Variants in CAST observed in about 807,000 individuals in gnomAD.
The protein encoded by CAST is calpastatin.
In CAST, 76 loss-of-function variants were observed where a neutral mutation model predicts 119.6. That is an observed-to-expected ratio of 0.64 (90% confidence interval 0.53 to 0.77). The LOEUF is 0.77. CAST is among the 30% of genes least tolerant of loss of function. CAST has a pLI of 0.00. For missense variants in CAST, 953 were observed against 946.5 expected (o/e 1.01, Z -0.09); for synonymous variants, 319 against 331.6 (o/e 0.96, Z 0.41).
At chr5:96,271,924 T>C in the CAST span, among the ~76,000 whole-genome samples, 1 of 151,934 alleles carries the variant, frequency 6.6e-6, no homozygotes. Context: ...AAAAAACAAA[T>C]ATTCTGATGT....
chr5:96,394,941 G>T, the CAST span: 2 of 1,613,824 alleles, frequency 1.2e-6, no homozygotes, highest in Non-Finnish European at 1.7e-6. Flanking sequence ...ACACGAGGCT[G>T]CTTCATATGC....
At chr5:96,517,367 G>A in the CAST span, among the ~76,000 whole-genome samples, 1 of 152,096 alleles carries the variant, frequency 6.6e-6, no homozygotes, top group Non-Finnish European at 1.5e-5. Context: ...TGTTATGCAT[G>A]GCTTAGGCTG....
chr5:96,066,022 A>T, the CAST span, among the ~76,000 whole-genome samples: 57 of 152,228 alleles, frequency 3.7e-4, no homozygotes, highest in South Asian at 1.2e-3. Context: ...AGACTAGAAC[A>T]CTCCCATTCC....
the CAST span, among the ~76,000 whole-genome samples, chr5:96,329,046 G>C: frequency 6.6e-6 from 1 of 151,894 alleles, no homozygotes; most frequent in Non-Finnish European, 1.5e-5. Context: ...TTCTTTCTTG[G>C]CATAAAGTTT....
the CAST span, among the ~76,000 whole-genome samples, chr5:96,140,624 A>G: frequency 4.2e-3 from 646 of 152,290 alleles, 3 homozygotes; most frequent in African/African-American, 7.0e-3. Context: ...CCAATCTTCA[A>G]ATTTCTTACT....
At chr5:96,379,040 T>C in the CAST span, among the ~76,000 whole-genome samples, 1 of 152,198 alleles carries the variant, frequency 6.6e-6, no homozygotes, top group Non-Finnish European at 1.5e-5. Flanking sequence ...TCGTGCATTC[T>C]GCAATTAGTT....
At chr5:96,629,357 C>T (rs1747780877) in intron 1 of CAST, among the ~76,000 whole-genome samples, 1 of 152,018 alleles carries the variant, frequency 6.6e-6, no homozygotes, top group Non-Finnish European at 1.5e-5. Flanking sequence ...AATTCCCCAG[C>T]TGGTGTTCTT....
At chr5:96,422,860 T>A in the CAST span, among the ~76,000 whole-genome samples, 1 of 152,172 alleles carries the variant, frequency 6.6e-6, no homozygotes, top group Non-Finnish European at 1.5e-5. Context: ...TTGGCATAGG[T>A]GCATTGTGTG....
the CAST span, among the ~76,000 whole-genome samples, chr5:96,096,949 A>G: frequency 1.3e-5 from 2 of 152,252 alleles, no homozygotes; most frequent in Non-Finnish European, 2.9e-5. Flanking sequence ...TTATTCATGC[A>G]TATGAGTCAT....
chr5:96,706,935 A>AT (rs1170157267), intron 3 of CAST, among the ~76,000 whole-genome samples: 1 of 152,108 alleles, frequency 6.6e-6, no homozygotes, highest in African/African-American at 2.4e-5. Flanking sequence ...GCCACAGCTG[A>AT]TTGGGTGTGT....
At chr5:96,371,007 G>GCT in the CAST span, among the ~76,000 whole-genome samples, 1 of 152,108 alleles carries the variant, frequency 6.6e-6, no homozygotes, top group African/African-American at 2.4e-5. Context: ...TAAAGGAAAT[G>GCT]AAGAACATCC....
the CAST span, among the ~76,000 whole-genome samples, chr5:96,136,062 G>T: frequency 6.6e-6 from 1 of 152,118 alleles, no homozygotes; most frequent in Non-Finnish European, 1.5e-5. Flanking sequence ...AGAATGGAGA[G>T]TTATGCTCAA....
chr5:96,167,497 G>A, the CAST span, among the ~76,000 whole-genome samples: 1 of 152,208 alleles, frequency 6.6e-6, no homozygotes, highest in African/African-American at 2.4e-5. Context: ...TCCAAGGACA[G>A]GCCCGAATTC....
the CAST span, among the ~76,000 whole-genome samples, chr5:96,495,713 T>C: frequency 6.6e-6 from 1 of 152,208 alleles, no homozygotes; most frequent in African/African-American, 2.4e-5. Flanking sequence ...TTGTAAATAG[T>C]GCTGTAATAA....
chr5:96,651,911 AG>A (rs1748099033), intron 1 of CAST, among the ~76,000 whole-genome samples: 1 of 152,206 alleles, frequency 6.6e-6, no homozygotes, highest in Non-Finnish European at 1.5e-5. Flanking sequence ...GAAGGAATAA[AG>A]ACACACATAT....
the CAST span, among the ~76,000 whole-genome samples, chr5:96,457,223 A>G: frequency 6.6e-6 from 1 of 152,068 alleles, no homozygotes; most frequent in East Asian, 1.9e-4. Flanking sequence ...AAAGCTCCCC[A>G]TTCTTCTTTG....
chr5:96,410,773 C>T, the CAST span: 5 of 1,610,952 alleles, frequency 3.1e-6, no homozygotes, highest in Admixed American at 1.7e-5. Context: ...AAGCAACATA[C>T]GATTCTCTGG....
At chr5:96,428,300 C>G in the CAST span, among the ~76,000 whole-genome samples, 1 of 152,256 alleles carries the variant, frequency 6.6e-6, no homozygotes, top group African/African-American at 2.4e-5. Flanking sequence ...TTTTAATCCT[C>G]TCACCAAGAG....
chr5:96,053,183 C>T, the CAST span, among the ~76,000 whole-genome samples: 24 of 152,090 alleles, frequency 1.6e-4, no homozygotes, highest in Non-Finnish European at 2.9e-4. Context: ...TGGAAACTCC[C>T]GAGGAGCCTG....
Sources: gnomAD v4.1 joint callset for allele counts (sites outside exome capture counted in the v4.1 genomes callset) on GRCh38, gnomAD v4.1.1 for gene constraint, MANE v1.5 for transcripts, NCBI Gene and HGNC (gene_info 2026-07-23, HGNC 2026-07-21) for gene names.